ZNF438: variants seen among roughly 807,000 people sequenced by gnomAD.
The protein encoded by ZNF438 is zinc finger protein 438.
Under a neutral mutation model 38.0 loss-of-function variants are expected in ZNF438, and 25 were observed. The observed-to-expected ratio is 0.66, with a 90% CI of 0.48 to 0.92. ZNF438 has a LOEUF of 0.92. ZNF438 is among the 40% of genes least tolerant of loss of function. The pLI, the probability that ZNF438 is intolerant of heterozygous loss-of-function variation, is 0.00. For missense variants in ZNF438, 1,007 were observed against 999.6 expected (o/e 1.01, Z -0.10); for synonymous variants, 372 against 364.1 (o/e 1.02, Z -0.25).
Position 30,849,582 on chromosome 10 carries a change from T to TGA in ZNF438, c.822_823insTC (p.Thr275SerfsTer10). ...AACTGAACTGCATTGCCAAGAATGG[T>TGA]TGGTGATAAATTGGTCATGGTTTTT... On this transcript the variant is annotated frameshift_variant, in exon 5 of 6. Coordinates refer to ENST00000413025, the Ensembl canonical transcript of ZNF438. LOFTEE classifies it high-confidence loss of function. 6.2e-7 allele frequency: 1 copy of TGA among 1,614,212 alleles called. No homozygotes were observed. Among genetic ancestry groups the TGA allele is most frequent in the Non-Finnish European group, 8.5e-7 (1 of 1,180,038 alleles).
chr10:30,867,140 C>G (rs557220550), intron 4 of ZNF438, among the ~76,000 whole-genome samples: 1 of 152,186 alleles, frequency 6.6e-6, no homozygotes, highest in South Asian at 2.1e-4. Context: ...TCTGAAAAGC[C>G]TACCAAAATA....
intron 1 of ZNF438, among the ~76,000 whole-genome samples, chr10:30,964,325 A>C (rs2049881471): frequency 6.6e-6 from 1 of 152,208 alleles, no homozygotes; most frequent in Admixed American, 6.5e-5. Context: ...AATTCAAGTA[A>C]AAATGATTTC....
At chr10:30,957,577 G>A (rs2049001176) in intron 1 of ZNF438, among the ~76,000 whole-genome samples, 1 of 152,120 alleles carries the variant, frequency 6.6e-6, no homozygotes, top group Admixed American at 6.6e-5. Flanking sequence ...GCACATGGAT[G>A]TCCAGTTTTC....
At chr10:30,901,532 G>A (rs915652173) in intron 3 of ZNF438, among the ~76,000 whole-genome samples, 1 of 152,102 alleles carries the variant, frequency 6.6e-6, no homozygotes, top group Admixed American at 6.5e-5. Context: ...TTAACTGGCC[G>A]ACAGGTGCCC....
intron 1 of ZNF438, among the ~76,000 whole-genome samples, chr10:30,962,572 A>G (rs2049613596): frequency 6.8e-6 from 1 of 147,660 alleles, no homozygotes; most frequent in African/African-American, 2.4e-5. Context: ...TACACTACGT[A>G]ATATACATTG....
intron 1 of ZNF438, among the ~76,000 whole-genome samples, chr10:31,010,676 C>G (rs1174503988): frequency 3.3e-5 from 5 of 151,552 alleles, no homozygotes; most frequent in Non-Finnish European, 7.4e-5. Context: ...AGCTTGAGGC[C>G]AGGAGTTTTA....
intron 4 of ZNF438, among the ~76,000 whole-genome samples, chr10:30,874,808 A>C (rs1053811145): frequency 8.6e-5 from 13 of 150,614 alleles, no homozygotes; most frequent in Non-Finnish European, 1.3e-4. Context: ...TTATAAATTA[A>C]ATATTCTTTA....
chr10:31,022,707 G>A (rs895255303), intron 1 of ZNF438, among the ~76,000 whole-genome samples: 1 of 152,106 alleles, frequency 6.6e-6, no homozygotes, highest in African/African-American at 2.4e-5. Flanking sequence ...ATGCCCAACC[G>A]CACGACACAC....
chr10:30,950,628 A>C (rs1007352833), intron 1 of ZNF438, among the ~76,000 whole-genome samples: 2 of 150,332 alleles, frequency 1.3e-5, no homozygotes, highest in Non-Finnish European at 1.5e-5. Flanking sequence ...ACCTCTATGC[A>C]AATAAACTAG....
intron 1 of ZNF438, among the ~76,000 whole-genome samples, chr10:30,977,345 A>G (rs769873303): frequency 5.9e-5 from 9 of 152,244 alleles, no homozygotes; most frequent in Non-Finnish European, 1.2e-4. Context: ...CAAGTGAGAA[A>G]GAAATTCTTC....
At chr10:30,876,247 C>T (rs2038398467) in intron 4 of ZNF438, among the ~76,000 whole-genome samples, 1 of 152,180 alleles carries the variant, frequency 6.6e-6, no homozygotes, top group Admixed American at 6.5e-5. Context: ...TCCACTAAGG[C>T]AACCTAATTT....
intron 2 of ZNF438, among the ~76,000 whole-genome samples, chr10:30,938,961 A>AT (rs1490875467): frequency 6.6e-6 from 1 of 151,836 alleles, no homozygotes; most frequent in African/African-American, 2.4e-5. Context: ...CACCCGGCTA[A>AT]TTTTTTGTAT....
At chr10:30,936,991 T>G (rs567964980) in intron 2 of ZNF438, among the ~76,000 whole-genome samples, 1 of 152,280 alleles carries the variant, frequency 6.6e-6, no homozygotes, top group South Asian at 2.1e-4. Context: ...GACTCCTCAG[T>G]GTGTGTACCT....
At chr10:30,905,151 C>T (rs563472522) in intron 3 of ZNF438, among the ~76,000 whole-genome samples, 1 of 152,292 alleles carries the variant, frequency 6.6e-6, no homozygotes, top group African/African-American at 2.4e-5. Context: ...TAAATACTGG[C>T]TGTGTCTTAG....
intron 4 of ZNF438, among the ~76,000 whole-genome samples, chr10:30,855,063 G>A (rs570880450): frequency 6.6e-6 from 1 of 152,182 alleles, no homozygotes; most frequent in East Asian, 1.9e-4. Flanking sequence ...TACCAAAAGG[G>A]AGTGAGCTAA....
chr10:30,850,147 A>G, exon 5 of ZNF438: 1 of 1,614,184 alleles, frequency 6.2e-7, no homozygotes, highest in Non-Finnish European at 8.5e-7. Context: ...CCTCCTGGCC[A>G]GCAACCTGCA....
rs200724892 is a variant in ZNF438 at position 30,982,091 on chromosome 10, TTCTC to T, written c.-191-40444_-191-40441del. Among the ~76,000 whole-genome samples, 234 of 59,482 alleles carry T rather than the reference TTCTC, an allele frequency of 3.9e-3. 5 individuals carry two copies. Among genetic ancestry groups the T allele is most frequent in the Non-Finnish European group, 5.4e-3 (154 of 28,768 alleles). The allele number at this position is 59,482 out of a possible 152,430, so 39.0% of individuals were successfully genotyped here. On this transcript the variant is annotated intron_variant, in intron 1 of 5. Transcript: ENST00000413025. ...ACTTGGCCTGAGAAAACCATCCTTTTTCTCTTTCTTTTTTTTTTTTTTATTTTTG... is the reference window on the plus strand; with the variant it reads ...ACTTGGCCTGAGAAAACCATCCTTTTTTTCTTTTTTTTTTTTTTATTTTTG...
intron 1 of ZNF438, 94 bp downstream of exon 1, chr10:31,031,739 A>G: frequency 6.5e-6 from 1 of 154,000 alleles, no homozygotes; most frequent in Non-Finnish European, 1.4e-5. Flanking sequence ...TCCCCAAGGA[A>G]CTGACGCCCC....
At chr10:30,882,296 G>A (rs1030232431) in intron 3 of ZNF438, among the ~76,000 whole-genome samples, 2 of 152,146 alleles carry the variant, frequency 1.3e-5, no homozygotes, top group Non-Finnish European at 2.9e-5. Context: ...ATAAGAAGAT[G>A]TTCAACATCA....
Sources: allele counts gnomAD v4.1 joint callset (sites outside exome capture counted in the v4.1 genomes callset), GRCh38; gene constraint gnomAD v4.1.1; transcripts MANE v1.5; gene names NCBI Gene and HGNC (gene_info 2026-07-23, HGNC 2026-07-21).